Variants in ATRNL1 observed in about 807,000 individuals in gnomAD.
ATRNL1 encodes attractin like 1.
ATRNL1 carries 95 observed loss-of-function variants against 182.7 expected under a neutral mutation model. The observed-to-expected ratio is 0.52, with a 90% CI of 0.44 to 0.62. The LOEUF (loss-of-function observed/expected upper bound fraction) is 0.62. Ranked by LOEUF, ATRNL1 falls within the 20% of genes least tolerant of loss-of-function variation. ATRNL1 has a pLI of 0.00. For missense variants in ATRNL1, 1,471 were observed against 1,679.5 expected (o/e 0.88, Z 2.17); for synonymous variants, 576 against 568.3 (o/e 1.01, Z -0.19).
Position 115,448,015 on chromosome 10 carries a change from T to C in ATRNL1, c.3323-13926T>C, listed in dbSNP as rs924009253. ...ACAATATCATTTTACATATTTATTG[T>C]GTATTTAAGTTTCTCTTCTTTGAAT... On this transcript the variant is annotated intron_variant, in intron 21 of 28. Transcript: ENST00000355044. Among the ~76,000 whole-genome samples, 5 of 152,260 alleles carry C rather than the reference T, an allele frequency of 3.3e-5. No homozygotes were observed. In the East Asian group the frequency reaches 9.6e-4, roughly 29 times the overall value.
intron 27 of ATRNL1, among the ~76,000 whole-genome samples, chr10:115,844,636 A>G (rs990924377): frequency 2.0e-5 from 3 of 152,106 alleles, no homozygotes; most frequent in African/African-American, 2.4e-5. Context: ...GAACAAAAGC[A>G]GTCTTTTTAA....
intron 5 of ATRNL1, among the ~76,000 whole-genome samples, chr10:115,138,300 C>T (rs1845607717): frequency 6.6e-6 from 1 of 152,158 alleles, no homozygotes; most frequent in Admixed American, 6.6e-5. Flanking sequence ...GGACAGTGGC[C>T]CTCTTCTCAC....
intron 9 of ATRNL1, among the ~76,000 whole-genome samples, chr10:115,217,856 C>A (rs1391797281): frequency 6.6e-6 from 1 of 151,948 alleles, no homozygotes; most frequent in Non-Finnish European, 1.5e-5. Context: ...TCAGTGAGCA[C>A]TAATTGATTT....
chr10:115,811,491 G>A (rs1348158012), intron 27 of ATRNL1, among the ~76,000 whole-genome samples: 1 of 151,994 alleles, frequency 6.6e-6, no homozygotes, highest in African/African-American at 2.4e-5. Flanking sequence ...CATTGATAAT[G>A]CCATTATGTG....
chr10:115,826,802 G>A (rs782567815), intron 27 of ATRNL1, among the ~76,000 whole-genome samples: 1 of 152,056 alleles, frequency 6.6e-6, no homozygotes, highest in Admixed American at 6.6e-5. Context: ...GGCAACATTC[G>A]ATTAAAAAAT....
At chr10:115,347,938 A>G (rs1315858540) in intron 19 of ATRNL1, among the ~76,000 whole-genome samples, 1 of 152,084 alleles carries the variant, frequency 6.6e-6, no homozygotes, top group Non-Finnish European at 1.5e-5. Context: ...CATGCTGGCA[A>G]TGCCACTGTC....
At chr10:115,325,778 T>G (rs1326973988) in intron 18 of ATRNL1, among the ~76,000 whole-genome samples, 1 of 152,230 alleles carries the variant, frequency 6.6e-6, no homozygotes, top group African/African-American at 2.4e-5. Flanking sequence ...TTTGTTCATG[T>G]AGGTCACCAT....
intron 21 of ATRNL1, among the ~76,000 whole-genome samples, chr10:115,442,001 C>G (rs953809746): frequency 1.3e-5 from 2 of 151,936 alleles, no homozygotes; most frequent in African/African-American, 4.8e-5. Context: ...CATTTTGACT[C>G]TGGTCCTTTT....
Position 115,201,643 on chromosome 10 carries a change from A to G in ATRNL1, c.1349-14054A>G, listed in dbSNP as rs1848583204. ...GTTTTGGTTACTGTAGCCTTGTAGT[A>G]TAGTTTGAAGTCAGGTAGAGTGATG... On this transcript the variant is annotated intron_variant, in intron 8 of 28. Coordinates refer to ENST00000355044, the MANE Select transcript of ATRNL1 (RefSeq NM_207303.4). Among the ~76,000 whole-genome samples the G allele has an allele frequency of 2.0e-5, 3 of 152,038 alleles. No individual in the cohort carries two copies. The South Asian group carries it at 6.2e-4, about 32-fold the overall frequency.
Position 115,492,624 on chromosome 10 carries a change from C to G in ATRNL1, c.3654+23295C>G, listed in dbSNP as rs569736736. 2.2e-5 allele frequency among the ~76,000 whole-genome samples: 3 copies of G among 137,350 alleles called. No individual in the cohort carries two copies. In the South Asian group the frequency reaches 6.9e-4, roughly 32 times the overall value. 90.1% of individuals were successfully genotyped at this position (137,350 alleles called of 152,430 possible). ...ATATTATAATTCATTTCTTTTAATT[C>G]TTTCATTTTTACTAAAGTGATTTTT... is the stretch of plus-strand genomic sequence containing the variant. On this transcript the variant is annotated intron_variant, in intron 24 of 28. Transcript: ENST00000355044.
intron 26 of ATRNL1, among the ~76,000 whole-genome samples, chr10:115,714,319 T>C (rs1461403647): frequency 7.3e-6 from 1 of 136,074 alleles, no homozygotes; most frequent in Non-Finnish European, 1.6e-5. Context: ...ATTGAATTTA[T>C]TGGGTGAAAA....
chr10:115,522,157 T>A (rs573266807), intron 25 of ATRNL1, among the ~76,000 whole-genome samples: 1 of 152,324 alleles, frequency 6.6e-6, no homozygotes, highest in East Asian at 1.9e-4. Flanking sequence ...CTTAAGTAGG[T>A]CACTATTTTA....
chr10:115,874,483 A>G (rs1008613464), intron 28 of ATRNL1, among the ~76,000 whole-genome samples: 2 of 152,078 alleles, frequency 1.3e-5, no homozygotes, highest in Admixed American at 6.5e-5. Flanking sequence ...ACTAAGCACT[A>G]TCAGAGAAAG....
At chr10:115,822,378 G>A (rs1204121572) in intron 27 of ATRNL1, among the ~76,000 whole-genome samples, 3 of 152,084 alleles carry the variant, frequency 2.0e-5, no homozygotes, top group Admixed American at 1.3e-4. Context: ...AACTGGAGAA[G>A]CAAGAGCAAA....
intron 8 of ATRNL1, among the ~76,000 whole-genome samples, chr10:115,196,573 CTTTAT>C (rs140810521): frequency 0.3 from 45,490 of 151,530 alleles, 7,870 homozygotes; most frequent in Middle Eastern, 0.41. Context: ...TATATCACTT[CTTTAT>C]TTAGGTCTCT....
In ATRNL1 at chr10:115,728,251, T is replaced by C. The variant is rs565334379; in HGVS notation, c.3903+896T>C. ...CGGAGCTTGCAGTGAGCCGAGATCC[T>C]GCCACTGCACTCCAGCCTGGGCGAC... On this transcript the variant is annotated intron_variant, in intron 27 of 28. Coordinates refer to ENST00000355044, the MANE Select transcript of ATRNL1 (RefSeq NM_207303.4). Among the ~76,000 whole-genome samples the C allele has an allele frequency of 4.4e-3, 571 of 129,864 alleles. 2 individuals are homozygous for C. The highest frequency in any genetic ancestry group is 6.2e-3 in the Non-Finnish European group (403 of 64,844). 85.2% of individuals were successfully genotyped at this position (129,864 alleles called of 152,430 possible). A position where few individuals can be genotyped will look rare whatever the true frequency, so the allele number is the denominator to read the frequency against.
chr10:115,151,889 T>C (rs1554880741), intron 5 of ATRNL1, among the ~76,000 whole-genome samples: 1 of 152,222 alleles, frequency 6.6e-6, no homozygotes, highest in East Asian at 1.9e-4. Flanking sequence ...TTAATTTTTG[T>C]ATAAGGTGTA....
intron 2 of ATRNL1, 80 bp downstream of exon 2, chr10:115,120,348 A>T (rs1844672355): frequency 4.2e-6 from 3 of 718,132 alleles, no homozygotes; most frequent in Admixed American, 2.9e-5. Flanking sequence ...AGAGCATTAG[A>T]GTATAATTAC....
intron 20 of ATRNL1, among the ~76,000 whole-genome samples, chr10:115,417,388 T>C (rs1554961052): frequency 6.6e-6 from 1 of 152,224 alleles, no homozygotes; most frequent in African/African-American, 2.4e-5. Context: ...CTGCAGATTG[T>C]GAGTCTGAGC....
Sources: gnomAD v4.1 joint callset for allele counts (sites outside exome capture counted in the v4.1 genomes callset) on GRCh38, gnomAD v4.1.1 for gene constraint, MANE v1.5 for transcripts, NCBI Gene and HGNC (gene_info 2026-07-23, HGNC 2026-07-21) for gene names.